HSF1: variants seen among roughly 807,000 people sequenced by gnomAD.
The protein encoded by HSF1 is heat shock transcription factor 1, also known as heat shock factor protein 1.
A neutral mutation model predicts 51.7 loss-of-function variants in HSF1; 32 were observed. That is an observed-to-expected ratio of 0.62 (90% CI 0.47 to 0.83). The LOEUF is 0.83. HSF1 is among the 40% of genes least tolerant of loss of function. The pLI, the probability that HSF1 is intolerant of heterozygous loss-of-function variation, is 0.00. For synonymous variants in HSF1, 396 were observed against 309.7 expected (o/e 1.28, Z -2.92); for missense variants, 727 against 717.0 (o/e 1.01, Z -0.16).
intron 10 of HSF1, 49 bp downstream of exon 10, chr8:144,313,665 G>T (rs1377389097): frequency 9.5e-6 from 1 of 105,110 alleles, no homozygotes; most frequent in East Asian, 2.2e-4. Flanking sequence ...TCCCCGCCGC[G>T]CCGCCCCGCC....
intron 10 of HSF1, 29 bp downstream of exon 10, chr8:144,313,645 CCGCCCCGCCTCCCCGCCG>C (rs1816873313): frequency 2.6e-6 from 1 of 387,732 alleles, no homozygotes; most frequent in African/African-American, 4.6e-5. Flanking sequence ...CCCCGCCTCC[CCGCCCCGCCTCCCCGCCG>C]CGCCGCCCCG....
At chr8:144,310,005 C>T in intron 4 of HSF1, 109 bp downstream of exon 4, 1 of 1,313,984 alleles carries the variant, frequency 7.6e-7, no homozygotes, top group Non-Finnish European at 1.0e-6. Context: ...TCAGCTCCAC[C>T]CTCCCGCTCC....
intron 1 of HSF1, among the ~76,000 whole-genome samples, chr8:144,295,978 G>A (rs1178907169): frequency 1.3e-5 from 2 of 152,158 alleles, no homozygotes; most frequent in Non-Finnish European, 2.9e-5. Flanking sequence ...CCTCATGGGT[G>A]CAGCTGGAAA....
chr8:144,310,248 C>T, intron 4 of HSF1: 1 of 227,294 alleles, frequency 4.4e-6, no homozygotes, highest in South Asian at 7.1e-5. Context: ...CGCCTCGGGC[C>T]TGGGGTCAGA....
Position 144,311,610 on chromosome 8 carries a change from C to G in HSF1, c.723+9C>G. 1 of 1,613,174 alleles carries G rather than the reference C, an allele frequency of 6.2e-7. No homozygotes were observed. Among genetic ancestry groups the G allele is most frequent in the Non-Finnish European group, 8.5e-7 (1 of 1,179,880 alleles). ...GCTCGGGCCCCTACTCGGTGAGTGC[C>G]GGAGACAGGGCACCCGCCCAGGCAT... On this transcript the variant is annotated intron_variant, in intron 7 of 12. Coordinates refer to ENST00000528838, the MANE Select transcript of HSF1 (RefSeq NM_005526.4).
At chr8:144,310,191 C>G (rs568122121) in intron 4 of HSF1, 1 of 382,238 alleles carries the variant, frequency 2.6e-6, no homozygotes, top group African/African-American at 2.1e-5. Context: ...GCGGGACCCA[C>G]CAGCCTACTT....
Position 144,314,297 on chromosome 8 carries a change from G to A in HSF1, c.1557G>A (p.Glu519=). ...CCATCTCCCTGCTGACAGGCTCGGA[G>A]CCTCCCAAAGCCAAGGACCCCACTG... ...DPTISLLTGS[E]PPKAKDPTVS Residue 519 remains glutamate (E), a synonymous_variant, in exon 13 of 13, where the codon GAG becomes GAA. Transcript: ENST00000528838. The A allele has an allele frequency of 1.3e-6, 2 of 1,550,618 alleles. No individual in the cohort carries two copies. The highest frequency in any genetic ancestry group is 2.4e-5 in the East Asian group (1 of 40,966).
rs782426560 is a variant in HSF1 at position 144,311,395 on chromosome 8, G to A, written c.626+13G>A. ...TGAAGAGAAAGATGTGAGGTTTTGG[G>A]GATGCCTGCATCCACCACCCGGGGC... On this transcript the variant is annotated intron_variant, in intron 6 of 12. Coordinates refer to ENST00000528838, the MANE Select transcript of HSF1 (RefSeq NM_005526.4). 3 of 1,613,700 alleles carry A rather than the reference G, an allele frequency of 1.9e-6. No homozygotes were observed. The highest frequency in any genetic ancestry group is 2.5e-6 in the Non-Finnish European group (3 of 1,179,962).
At chr8:144,301,131 C>A (rs970943879) in intron 1 of HSF1, among the ~76,000 whole-genome samples, 16 of 152,148 alleles carry the variant, frequency 1.1e-4, no homozygotes, top group African/African-American at 3.1e-4. Context: ...AGAAATATGA[C>A]CAAAAGGCTG....
rs987428937 is a variant in HSF1 at position 144,311,160 on chromosome 8, C to T, written c.489-14C>T. On this transcript the variant is annotated splice_polypyrimidine_tract_variant and intron_variant, in intron 4 of 12. Transcript: ENST00000528838. ...TGGGATTGGGCCCCACTGACCCAGC[C>T]TGGTCTGTTGCAGTGAGAATGAGGC... 2 of 1,589,598 alleles carry T rather than the reference C, an allele frequency of 1.3e-6. No homozygotes were observed. Among genetic ancestry groups the T allele is most frequent in the African/African-American group, 1.3e-5 (1 of 74,784 alleles).
intron 1 of HSF1, among the ~76,000 whole-genome samples, chr8:144,296,541 G>A (rs1588626050): frequency 6.6e-6 from 1 of 152,314 alleles, no homozygotes; most frequent in East Asian, 1.9e-4. Context: ...GCTCACGCCT[G>A]TAATCCCAGC....
chr8:144,295,293 G>A (rs1399006307), intron 1 of HSF1, among the ~76,000 whole-genome samples: 1 of 152,216 alleles, frequency 6.6e-6, no homozygotes, highest in Non-Finnish European at 1.5e-5. Flanking sequence ...CATCATCCCA[G>A]TTTTTTACAA....
At chr8:144,313,012 C>T (rs559177548) in intron 9 of HSF1, 4 of 500,486 alleles carry the variant, frequency 8.0e-6, no homozygotes, top group South Asian at 2.2e-5. Flanking sequence ...CTCCAGGGCA[C>T]CTCTGGGACC....
chr8:144,301,927 T>TTGGGAAGC lies in HSF1; in HGVS notation c.118-6979_118-6978insTGGGAAGC, dbSNP rs1554842416. Among the ~76,000 whole-genome samples the TTGGGAAGC allele has an allele frequency of 5.6e-4, 84 of 150,502 alleles. 6 individuals carry two copies. The South Asian group carries it at 0.012, about 22-fold the overall frequency. On this transcript the variant is annotated intron_variant, in intron 1 of 12. Coordinates refer to ENST00000528838, the MANE Select transcript of HSF1 (RefSeq NM_005526.4). ...TGGTGGTGCCTGTGGTGCCAGCTAC[T>TTGGGAAGC]CAGAGGCTCGGGTGGAAGGATTGCT...
In HSF1 at chr8:144,314,334, C is replaced by A. The variant is rs1461739065; in HGVS notation, c.*4C>A. ...CAAGGACCCCACTGTCTCCTAGAGG[C>A]CCCGGAGGAGCTGGGCCAGCCGCCC... On this transcript the variant is annotated 3_prime_UTR_variant, in exon 13 of 13. Coordinates refer to ENST00000528838, the MANE Select transcript of HSF1 (RefSeq NM_005526.4). 1 of 1,544,084 alleles carries A rather than the reference C, an allele frequency of 6.5e-7. No individual in the cohort carries two copies. The highest frequency in any genetic ancestry group is 1.4e-5 in the African/African-American group (1 of 73,000).
In HSF1 at chr8:144,312,033, G is replaced by T; in HGVS notation, c.931G>T (p.Glu311Ter). 1 of 1,608,062 alleles carries T rather than the reference G, an allele frequency of 6.2e-7. No homozygotes were observed. Reference sequence around the variant, plus strand: ...CAGCCCGCCTCAGAGCCCCCGGGTAGAGGAGGCGAGTCCCGGGCGCCCATC... The same window carrying T: ...CAGCCCGCCTCAGAGCCCCCGGGTATAGGAGGCGAGTCCCGGGCGCCCATC... ...PPSPPQSPRV[E>*]EASPGRPSSV... Residue 311 changes from glutamate (E) to a stop codon, truncating the protein, a stop_gained, in exon 9 of 13, where the codon GAG becomes TAG. Transcript: ENST00000528838. LOFTEE classifies it high-confidence loss of function.
intron 6 of HSF1, 40 bp from the exon 7 acceptor site, chr8:144,311,465 G>A (rs782277650): frequency 2.4e-5 from 39 of 1,612,186 alleles, no homozygotes; most frequent in Admixed American, 5.0e-5. Flanking sequence ...CGGGTACCCC[G>A]AGGTGGGGGG....
At chr8:144,314,088 C>G in intron 12 of HSF1, 34 bp downstream of exon 12, 2 of 1,546,134 alleles carry the variant, frequency 1.3e-6, no homozygotes, top group South Asian at 1.2e-5. Context: ...ACCTCTGCCC[C>G]CAACCCCCCA....
rs187353652 is a variant in HSF1, at chr8:144,306,752, C to T, written c.118-2154C>T. On this transcript the variant is annotated intron_variant, in intron 1 of 12. Coordinates refer to ENST00000528838, the MANE Select transcript of HSF1 (RefSeq NM_005526.4). ...AGGATTTGTCATTGCTGCTGTTTGT[C>T]GTGGTTATCTGTCAGGTAGCTTTTC... 9.2e-5 allele frequency among the ~76,000 whole-genome samples: 14 copies of T among 152,290 alleles called. No individual in the cohort carries two copies. In the East Asian group the frequency reaches 1.2e-3, roughly 13 times the overall value.
Sources: allele counts gnomAD v4.1 joint callset (sites outside exome capture counted in the v4.1 genomes callset), GRCh38; gene constraint gnomAD v4.1.1; transcripts MANE v1.5; gene names NCBI Gene and HGNC (gene_info 2026-07-23, HGNC 2026-07-21).